ABCA5: variants seen among roughly 807,000 people sequenced by gnomAD.
The protein encoded by ABCA5 is cholesterol transporter ABCA5.
In ABCA5, 163 loss-of-function variants were observed where a neutral mutation model predicts 206.0. The observed-to-expected ratio is 0.79, with a 90% confidence interval of 0.70 to 0.90. The LOEUF is 0.90. Among genes scored for constraint, ABCA5 ranks in the 40% least tolerant of loss-of-function variants. ABCA5 has a pLI of 0.00. For missense variants in ABCA5, 1,859 were observed against 1,912.9 expected, an observed-to-expected ratio of 0.97 and a Z score of 0.53; for synonymous variants, 609 against 613.8, an observed-to-expected ratio of 0.99 and a Z score of 0.11.
At chr17:69,293,602 A>C (rs1235053505) in intron 11 of ABCA5, among the ~76,000 whole-genome samples, 1 of 152,098 alleles carries the variant, frequency 6.6e-6, no homozygotes, top group Admixed American at 6.5e-5. Flanking sequence ...GAAGGCCTTA[A>C]GAGAAAAAAC....
intron 19 of ABCA5, among the ~76,000 whole-genome samples, chr17:69,274,368 G>A (rs1179079275): frequency 4.6e-5 from 7 of 151,810 alleles, no homozygotes; most frequent in East Asian, 3.9e-4. Flanking sequence ...ACAGGCACAC[G>A]CCACCATACA....
intron 18 of ABCA5, among the ~76,000 whole-genome samples, chr17:69,280,164 A>G (rs1235105167): frequency 6.6e-6 from 1 of 152,016 alleles, no homozygotes; most frequent in East Asian, 1.9e-4. Flanking sequence ...CAGAATCTAC[A>G]ATGAACTCAA....
At chr17:69,317,628 G>A (rs2075829607) in intron 1 of ABCA5, 1 of 152,036 alleles carries the variant, frequency 6.6e-6, no homozygotes, top group Admixed American at 6.6e-5. Context: ...ACAAGGTAAG[G>A]AGTTTTACCT....
intron 27 of ABCA5, 44 bp downstream of exon 27, chr17:69,260,294 T>C: frequency 2.8e-6 from 4 of 1,414,310 alleles, no homozygotes; most frequent in Non-Finnish European, 3.9e-6. Context: ...GACCAAACCA[T>C]TCTTAAGGTA....
In ABCA5 at chr17:69,247,626, T is replaced by C; in HGVS notation, c.4840A>G (p.Lys1614Glu). 1.9e-6 allele frequency: 3 copies of C among 1,607,842 alleles called. No homozygotes were observed. Among genetic ancestry groups the C allele is most frequent in the Non-Finnish European group, 2.5e-6 (3 of 1,177,278 alleles). The stretch of plus-strand genomic sequence containing the variant: ...CTATTATCTTCCTCCTCTTGTTCTT[T>C]AGTGAGTTCTACAAAAACCTAGGTG... ...TLEQVFVELT[K>E]EQEEEDNSCG... The change falls in exon 39 of 39, where the codon AAA (lysine) becomes GAA (glutamate). Residue 1614 changes from lysine to glutamate, a missense_variant. Physicochemically the swap from Lys to Glu is moderately conservative, Grantham distance 56. Transcript: ENST00000392676.
intron 16 of ABCA5, 34 bp from the exon 17 acceptor site, chr17:69,286,071 T>C (rs747124457): frequency 5.0e-6 from 8 of 1,588,340 alleles, no homozygotes; most frequent in South Asian, 4.6e-5. Flanking sequence ...TTAATGATTA[T>C]ACAATAAACA....
chr17:69,309,844 A>C (rs541770592), intron 3 of ABCA5, among the ~76,000 whole-genome samples: 19 of 152,302 alleles, frequency 1.2e-4, no homozygotes, highest in South Asian at 6.2e-4. Flanking sequence ...TGTCTCAAAA[A>C]AAACAAACAA....
chr17:69,281,534 A>T (rs2144962098), intron 18 of ABCA5, among the ~76,000 whole-genome samples: 3 of 152,322 alleles, frequency 2.0e-5, no homozygotes, highest in Middle Eastern at 6.8e-3. Flanking sequence ...CTACAAAATC[A>T]CATACATTAA....
Position 69,288,716 on chromosome 17 carries a change from AAAG to A in ABCA5, c.1902+458_1902+460del, listed in dbSNP as rs1202257397. 1.1e-4 allele frequency among the ~76,000 whole-genome samples: 7 copies of A among 61,282 alleles called. No homozygotes were observed. In the South Asian group the frequency reaches 2.6e-3, roughly 23 times the overall value. The allele number at this position is 61,282 out of a possible 152,430, so 40.2% of individuals were successfully genotyped here. On this transcript the variant is annotated intron_variant, in intron 14 of 38. Coordinates refer to ENST00000392676, the MANE Select transcript of ABCA5 (RefSeq NM_172232.4). ...TCTCGTCTCTACAAATTAAAAAAAAAAAGAAGAAAGAAAGAAAGAAAGAAAGAA... is the reference window on the plus strand; with the variant it reads ...TCTCGTCTCTACAAATTAAAAAAAAAAAGAAAGAAAGAAAGAAAGAAAGAA...
intron 18 of ABCA5, among the ~76,000 whole-genome samples, chr17:69,281,880 C>A (rs1444199002): frequency 1.3e-5 from 2 of 152,172 alleles, no homozygotes; most frequent in Non-Finnish European, 2.9e-5. Flanking sequence ...TTAATCATCA[C>A]CCACTCGGCA....
At position 69,245,507 on chromosome 17, in the gene ABCA5, C is replaced by G. The variant is rs1438918281; in HGVS notation, c.*2030G>C. 6.6e-6 allele frequency: 1 copy of G among 151,830 alleles called. No homozygotes were observed. Among genetic ancestry groups the G allele is most frequent in the Non-Finnish European group, 1.5e-5 (1 of 67,820 alleles). The allele number at this position is 151,830 out of a possible 1,614,324, so 9.4% of individuals were successfully genotyped here. ...TCCTTTGCTTTCCAGCTCACTTACCCTTGTTTTCCTAAGAATTAAGTTATA... is the reference window on the plus strand; with the variant it reads ...TCCTTTGCTTTCCAGCTCACTTACCGTTGTTTTCCTAAGAATTAAGTTATA... On this transcript the variant is annotated 3_prime_UTR_variant, in exon 39 of 39. Transcript: ENST00000392676.
rs1377083140 is a variant in ABCA5 at position 69,277,758 on chromosome 17, A to G, written c.2477T>C (p.Leu826Pro). 1.9e-6 allele frequency: 3 copies of G among 1,606,356 alleles called. No homozygotes were observed. The highest frequency in any genetic ancestry group is 2.5e-6 in the Non-Finnish European group (3 of 1,177,750). The change falls in exon 19 of 39, where the codon CTT becomes CCT. Residue 826 changes from leucine to proline, a missense_variant. Transcript: ENST00000392676. Reference sequence around the variant, plus strand: ...CACTAGAGCAGCCTTGGTTTCAGAAAGAATAAGTAAGCTCTGTTCCATTTC... The same window carrying G: ...CACTAGAGCAGCCTTGGTTTCAGAAGGAATAAGTAAGCTCTGTTCCATTTC... ...FDEMEQSLLI[L>P]SETKAALVST...
chr17:69,280,849 A>C (rs1007212392), intron 18 of ABCA5, among the ~76,000 whole-genome samples: 7 of 152,136 alleles, frequency 4.6e-5, no homozygotes, highest in Admixed American at 4.6e-4. Context: ...TCACATGGAC[A>C]CAGGAAGGGG....
chr17:69,266,607 A>G (rs1291588066), intron 23 of ABCA5, among the ~76,000 whole-genome samples: 2 of 147,512 alleles, frequency 1.4e-5, no homozygotes, highest in Non-Finnish European at 3.0e-5. Flanking sequence ...TTAAAAAATA[A>G]ATAAATAAAA....
rs749081872 is a variant in ABCA5, at chr17:69,260,330, T to A, written c.3639+8A>T. ...CATGCTAATTCACAAAAACACTTTA[T>A]TTCTTACCGATATAACAGCTACTGA... is the stretch of plus-strand genomic sequence containing the variant. On this transcript the variant is annotated splice_region_variant and intron_variant, in intron 27 of 38. Coordinates refer to ENST00000392676, the MANE Select transcript of ABCA5 (RefSeq NM_172232.4). 1.3e-5 allele frequency: 21 copies of A among 1,593,878 alleles called. No individual in the cohort carries two copies. In the South Asian group the frequency reaches 2.1e-4, roughly 16 times the overall value.
At chr17:69,267,287 A>T (rs941976887) in intron 23 of ABCA5, among the ~76,000 whole-genome samples, 2 of 152,196 alleles carry the variant, frequency 1.3e-5, no homozygotes, top group Non-Finnish European at 2.9e-5. Flanking sequence ...CATGAAGAAG[A>T]TCAGAATTTT....
intron 28 of ABCA5, among the ~76,000 whole-genome samples, chr17:69,256,558 C>T (rs558462638): frequency 1.3e-5 from 2 of 150,734 alleles, no homozygotes; most frequent in African/African-American, 2.4e-5. Flanking sequence ...TGGGTTCAAG[C>T]GATTCTCCTG....
At chr17:69,315,986 A>G (rs1437131356) in intron 1 of ABCA5, among the ~76,000 whole-genome samples, 1 of 152,166 alleles carries the variant, frequency 6.6e-6, no homozygotes, top group Admixed American at 6.5e-5. Flanking sequence ...ATCAAATGGA[A>G]ATTTTAGAAC....
chr17:69,305,481 T>C (rs1008257808), intron 6 of ABCA5, among the ~76,000 whole-genome samples: 1 of 152,212 alleles, frequency 6.6e-6, no homozygotes, highest in Non-Finnish European at 1.5e-5. Context: ...ATCATTTTAC[T>C]GAGGCAAAAC....
Sources: gnomAD v4.1 joint callset for allele counts (sites outside exome capture counted in the v4.1 genomes callset) on GRCh38, gnomAD v4.1.1 for gene constraint, MANE v1.5 for transcripts, NCBI Gene and HGNC (gene_info 2026-07-23, HGNC 2026-07-21) for gene names.